TAF4B: variants seen among roughly 807,000 people sequenced by gnomAD.
The protein encoded by TAF4B is TATA-box binding protein associated factor 4b.
TAF4B carries 38 observed loss-of-function variants against 86.4 expected under a neutral mutation model. The observed-to-expected ratio is 0.44, with a 90% CI of 0.34 to 0.58. The LOEUF is 0.58. Among genes scored for constraint, TAF4B ranks in the 20% least tolerant of loss-of-function variants. The pLI, the probability that TAF4B is intolerant of heterozygous loss-of-function variation, is 0.02. For synonymous variants in TAF4B, 388 were observed against 391.2 expected (o/e 0.99, Z 0.10); for missense variants, 988 against 1,027.6 (o/e 0.96, Z 0.53).
chr18:26,301,681 T>C (rs967547183), intron 9 of TAF4B, among the ~76,000 whole-genome samples: 2 of 152,194 alleles, frequency 1.3e-5, no homozygotes, highest in African/African-American at 4.8e-5. Flanking sequence ...TAATCCCGTT[T>C]CTTTGCTGCA....
chr18:26,366,637 G>A (rs2057373497), intron 14 of TAF4B, among the ~76,000 whole-genome samples: 1 of 152,102 alleles, frequency 6.6e-6, no homozygotes, highest in African/African-American at 2.4e-5. Flanking sequence ...ATGTCCAAAT[G>A]GTAGAGAAGA....
At chr18:26,259,351 T>G (rs1362143759) in intron 1 of TAF4B, among the ~76,000 whole-genome samples, 1 of 151,990 alleles carries the variant, frequency 6.6e-6, no homozygotes, top group Non-Finnish European at 1.5e-5. Context: ...TTGTTACATA[T>G]GTATACATGT....
chr18:26,244,073 G>A lies in TAF4B; in HGVS notation c.343+16797G>A, dbSNP rs149095957. Among the ~76,000 whole-genome samples the A allele has an allele frequency of 3.2e-3, 494 of 152,274 alleles. 5 individuals are homozygous for A. The highest frequency in any genetic ancestry group is 3.2e-3 in the Non-Finnish European group (220 of 68,014). On this transcript the variant is annotated intron_variant, in intron 1 of 14. Coordinates refer to ENST00000269142, the MANE Select transcript of TAF4B (RefSeq NM_005640.3). ...GGCAGTCTATCCAATCTCAAACTCCGTGCTGGGAGAATCACTACCCTCTTC... is the reference window on the plus strand; with the variant it reads ...GGCAGTCTATCCAATCTCAAACTCCATGCTGGGAGAATCACTACCCTCTTC...
chr18:26,334,304 A>T (rs2057073932), intron 12 of TAF4B, among the ~76,000 whole-genome samples: 1 of 152,208 alleles, frequency 6.6e-6, no homozygotes, highest in African/African-American at 2.4e-5. Context: ...TAAACTTATT[A>T]AATATGAAAA....
intron 1 of TAF4B, among the ~76,000 whole-genome samples, chr18:26,232,520 AT>A (rs2055688232): frequency 6.6e-6 from 1 of 152,222 alleles, no homozygotes; most frequent in Non-Finnish European, 1.5e-5. Flanking sequence ...AAGGCGAGTA[AT>A]AGCAAGATGG....
chr18:26,252,871 T>C (rs2056027051), intron 1 of TAF4B, among the ~76,000 whole-genome samples: 1 of 151,758 alleles, frequency 6.6e-6, no homozygotes, highest in Admixed American at 6.6e-5. Context: ...AGTATGTTAC[T>C]GTGTGTAATT....
At position 26,267,538 on chromosome 18, in the gene TAF4B, A is replaced by G. The variant is rs1368339316; in HGVS notation, c.512A>G (p.Lys171Arg). The G allele has an allele frequency of 6.8e-6, 11 of 1,614,034 alleles. No homozygotes were observed. Among genetic ancestry groups the G allele is most frequent in the Middle Eastern group, 1.6e-4 (1 of 6,084 alleles). The change falls in exon 3 of 15, where the codon AAG becomes AGG. Residue 171 changes from lysine (K) to arginine (R), a missense_variant. Physicochemically the swap from Lys to Arg is conservative, Grantham distance 26. This residue lies in a region of TAF4B where 747 missense variants were observed against 737.9 expected (regional missense o/e 1.01). Transcript: ENST00000269142. ...AAGAACTCTAGCTCACAATTAATCA[A>G]GAAAGTGGCAGTGACACCTGTTAAA... ...TVPNSSSQLIKKVAVTPVKKL... is the reference protein window; with the variant it reads ...TVPNSSSQLIRKVAVTPVKKL...
intron 7 of TAF4B, among the ~76,000 whole-genome samples, chr18:26,289,208 G>C (rs534243197): frequency 1.3e-5 from 2 of 152,326 alleles, no homozygotes; most frequent in African/African-American, 2.4e-5. Flanking sequence ...TACCATCAGT[G>C]AATCTATTAT....
At chr18:26,279,239 A>C (rs996002225) in intron 5 of TAF4B, among the ~76,000 whole-genome samples, 3 of 152,166 alleles carry the variant, frequency 2.0e-5, no homozygotes, top group African/African-American at 7.2e-5. Flanking sequence ...GTTCTAGCTA[A>C]GAGCCAAATC....
At chr18:26,326,109 T>G (rs1020881104) in intron 11 of TAF4B, among the ~76,000 whole-genome samples, 68 of 152,164 alleles carry the variant, frequency 4.5e-4, no homozygotes, top group African/African-American at 1.5e-3. Flanking sequence ...TCCGAATTAC[T>G]GAGATGAATA....
At chr18:26,368,153 AG>A (rs1213701101) in intron 14 of TAF4B, among the ~76,000 whole-genome samples, 5 of 152,328 alleles carry the variant, frequency 3.3e-5, no homozygotes, top group African/African-American at 7.2e-5. Flanking sequence ...ATTTAGGGAT[AG>A]TTTTTTTTAT....
rs746865524 is a variant in TAF4B at position 26,292,359 on chromosome 18, A to T, written c.1704A>T (p.Ile568=). The T allele has an allele frequency of 1.2e-6, 2 of 1,613,934 alleles. No individual in the cohort carries two copies. The highest frequency in any genetic ancestry group is 1.7e-6 in the Non-Finnish European group (2 of 1,179,930). Residue 568 remains isoleucine (I), a synonymous_variant, in exon 8 of 15, where the codon ATA becomes ATT. Transcript: ENST00000269142. ...AGACGATGCCAGTGAACACCATAAT[A>T]CCTACTAGTCAGTTTCCTCCAGGTA... is the stretch of plus-strand genomic sequence containing the variant. ...GQKTMPVNTI[I]PTSQFPPASI...
At chr18:26,386,892 G>A (rs144140700) in intron 14 of TAF4B, among the ~76,000 whole-genome samples, 4 of 152,260 alleles carry the variant, frequency 2.6e-5, no homozygotes, top group South Asian at 2.1e-4. Context: ...TTACATAGAT[G>A]TGGAATTGCC....
At chr18:26,269,455 A>G (rs2056285333) in intron 3 of TAF4B, among the ~76,000 whole-genome samples, 1 of 152,086 alleles carries the variant, frequency 6.6e-6, no homozygotes, top group Admixed American at 6.6e-5. Flanking sequence ...CTAGACTCCT[A>G]GTTTCCGAGT....
intron 9 of TAF4B, 126 bp from the exon 10 acceptor site, chr18:26,315,103 T>TCTCTCTCTCG (rs2056889227): frequency 5.4e-6 from 1 of 186,820 alleles, no homozygotes; most frequent in Non-Finnish European, 8.3e-6. Flanking sequence ...AAACTCTCTC[T>TCTCTCTCTCG]CTCTCTCTCT....
At chr18:26,360,253 GAACT>G (rs751649993) in intron 14 of TAF4B, among the ~76,000 whole-genome samples, 3 of 152,058 alleles carry the variant, frequency 2.0e-5, no homozygotes, top group Non-Finnish European at 4.4e-5. Context: ...TTAACACTGG[GAACT>G]ATCTTTGCCA....
intron 1 of TAF4B, among the ~76,000 whole-genome samples, chr18:26,229,381 T>C (rs1304840918): frequency 6.6e-6 from 1 of 152,180 alleles, no homozygotes; most frequent in Non-Finnish European, 1.5e-5. Flanking sequence ...TGTGCTCTTA[T>C]TGGATAGAAT....
chr18:26,300,720 T>G (rs1176717668), intron 9 of TAF4B, among the ~76,000 whole-genome samples: 1 of 152,074 alleles, frequency 6.6e-6, no homozygotes, highest in African/African-American at 2.4e-5. Flanking sequence ...GGGGAAGTAG[T>G]TTTTTGTTGT....
chr18:26,298,969 C>G (rs1234727662), intron 9 of TAF4B, among the ~76,000 whole-genome samples: 1 of 147,892 alleles, frequency 6.8e-6, no homozygotes, highest in Non-Finnish European at 1.5e-5. Flanking sequence ...TCAAGTGATT[C>G]TCCTGCCTCA....
Sources: allele counts gnomAD v4.1 joint callset (sites outside exome capture counted in the v4.1 genomes callset), GRCh38; gene constraint gnomAD v4.1.1; regional missense constraint gnomAD v4.1.1; transcripts MANE v1.5; gene names NCBI Gene and HGNC (gene_info 2026-07-23, HGNC 2026-07-21).